LRMDA: variants seen among roughly 807,000 people sequenced by gnomAD.
LRMDA encodes leucine rich melanocyte differentiation associated, also known as leucine-rich melanocyte differentiation-associated protein.
LRMDA carries 18 observed loss-of-function variants against 29.8 expected under a neutral mutation model. The observed-to-expected ratio is 0.60, with a 90% CI of 0.42 to 0.90. The LOEUF is 0.90. Among genes scored for constraint, LRMDA ranks in the 40% least tolerant of loss-of-function variants. LRMDA has a pLI of 0.00. For missense variants in LRMDA, 273 were observed against 273.9 expected (o/e 1.00, Z 0.02); for synonymous variants, 125 against 109.4 (o/e 1.14, Z -0.89).
chr10:75,917,434 A>G (rs1845952797), intron 2 of LRMDA, among the ~76,000 whole-genome samples: 1 of 152,154 alleles, frequency 6.6e-6, no homozygotes, highest in Admixed American at 6.5e-5. Flanking sequence ...CACTGACCCC[A>G]CAGCTGCATG....
chr10:75,662,378 C>T (rs1049814326), intron 2 of LRMDA, among the ~76,000 whole-genome samples: 4 of 152,260 alleles, frequency 2.6e-5, no homozygotes, highest in Admixed American at 6.5e-5. Context: ...GGTAATCCTT[C>T]GGAAAGCGAC....
chr10:76,127,669 G>T (rs1265001638), intron 5 of LRMDA, among the ~76,000 whole-genome samples: 2 of 150,292 alleles, frequency 1.3e-5, no homozygotes, highest in Non-Finnish European at 3.0e-5. Context: ...TAAGGCAGTT[G>T]TAAAAGCTTG....
intron 6 of LRMDA, among the ~76,000 whole-genome samples, chr10:76,520,750 C>T (rs971715731): frequency 3.9e-5 from 6 of 152,148 alleles, no homozygotes; most frequent in Non-Finnish European, 2.9e-5. Context: ...AGGCCATGCA[C>T]ATTTCAAATT....
intron 2 of LRMDA, among the ~76,000 whole-genome samples, chr10:76,017,147 G>T (rs146019771): frequency 1.3e-5 from 2 of 152,264 alleles, no homozygotes; most frequent in South Asian, 4.1e-4. Flanking sequence ...AGAATGCCAT[G>T]TGAAGAGATG....
chr10:76,128,182 C>G (rs1320816030), intron 5 of LRMDA, among the ~76,000 whole-genome samples: 1 of 152,158 alleles, frequency 6.6e-6, no homozygotes, highest in African/African-American at 2.4e-5. Flanking sequence ...GAAAAGCAGG[C>G]ATTTCCAGGT....
chr10:75,631,578 G>A (rs1289846993), intron 2 of LRMDA, among the ~76,000 whole-genome samples: 1 of 152,014 alleles, frequency 6.6e-6, no homozygotes, highest in African/African-American at 2.4e-5. Context: ...CAGCTTGGAC[G>A]GAGTGTTGCT....
intron 2 of LRMDA, among the ~76,000 whole-genome samples, chr10:76,014,308 G>A (rs1393139455): frequency 6.6e-6 from 1 of 151,560 alleles, no homozygotes; most frequent in Non-Finnish European, 1.5e-5. Flanking sequence ...AAAGTTTGCT[G>A]ATCCCTGACC....
In LRMDA at chr10:75,752,896, T is replaced by C. The variant is rs541536097; in HGVS notation, c.132-283112T>C. On this transcript the variant is annotated intron_variant, in intron 2 of 6. Transcript: ENST00000611255. ...ACCAATTCGAGTCTGAATTGCGTCATGCATAGCCCCTTTCAGCTACCATTG... is the reference window on the plus strand; with the variant it reads ...ACCAATTCGAGTCTGAATTGCGTCACGCATAGCCCCTTTCAGCTACCATTG... Among the ~76,000 whole-genome samples, 29 of 152,358 alleles carry C rather than the reference T, an allele frequency of 1.9e-4. No homozygotes were observed. In the East Asian group the frequency reaches 1.9e-3, roughly 10 times the overall value.
At chr10:75,846,703 G>A (rs1423950847) in intron 2 of LRMDA, among the ~76,000 whole-genome samples, 3 of 151,876 alleles carry the variant, frequency 2.0e-5, no homozygotes, top group South Asian at 2.1e-4. Flanking sequence ...AAATAATACC[G>A]AAATGATACC....
chr10:76,106,936 G>A (rs1849495737), intron 5 of LRMDA, among the ~76,000 whole-genome samples: 1 of 152,162 alleles, frequency 6.6e-6, no homozygotes, highest in African/African-American at 2.4e-5. Context: ...TCAGAGGCAG[G>A]GGCTGCTGGT....
chr10:75,722,150 C>T (rs1431946499), intron 2 of LRMDA, among the ~76,000 whole-genome samples: 1 of 152,064 alleles, frequency 6.6e-6, no homozygotes, highest in Admixed American at 6.6e-5. Context: ...GTATCAGTGG[C>T]CCATGAAATA....
chr10:75,736,981 G>A (rs1387317885), intron 2 of LRMDA, among the ~76,000 whole-genome samples: 1 of 152,132 alleles, frequency 6.6e-6, no homozygotes, highest in Non-Finnish European at 1.5e-5. Context: ...GGAGGTTAGG[G>A]CCATTCCGAA....
intron 2 of LRMDA, among the ~76,000 whole-genome samples, chr10:75,731,758 C>A (rs1192338092): frequency 1.3e-5 from 2 of 152,208 alleles, no homozygotes; most frequent in Non-Finnish European, 2.9e-5. Flanking sequence ...GAAATGATGT[C>A]TGGCTAATTT....
chr10:75,621,924 T>C (rs150723113), intron 2 of LRMDA, among the ~76,000 whole-genome samples: 362 of 152,312 alleles, frequency 2.4e-3, no homozygotes, highest in African/African-American at 8.3e-3. Context: ...TGAGTGTTAC[T>C]TGCTGATTTT....
At chr10:76,543,638 T>G (rs1406068022) in intron 6 of LRMDA, among the ~76,000 whole-genome samples, 1 of 152,082 alleles carries the variant, frequency 6.6e-6, no homozygotes, top group Admixed American at 6.5e-5. Context: ...GTGGGCTGAA[T>G]TTATGGGCAA....
At chr10:76,240,828 A>G (rs553986923) in intron 5 of LRMDA, among the ~76,000 whole-genome samples, 5 of 21,082 alleles carry the variant, frequency 2.4e-4, no homozygotes, top group Non-Finnish European at 5.1e-4. Flanking sequence ...ATATATATAC[A>G]CATACATATA....
intron 5 of LRMDA, among the ~76,000 whole-genome samples, chr10:76,181,420 C>T (rs2132208549): frequency 6.6e-6 from 1 of 152,348 alleles, no homozygotes; most frequent in East Asian, 1.9e-4. Context: ...GCTAATTTAA[C>T]CATCAGATAT....
intron 2 of LRMDA, among the ~76,000 whole-genome samples, chr10:75,584,984 T>C (rs529278828): frequency 1.3e-5 from 2 of 152,330 alleles, no homozygotes; most frequent in African/African-American, 4.8e-5. Context: ...ATGTTTTTGC[T>C]GACATAGAAC....
chr10:76,222,394 G>A lies in LRMDA; in HGVS notation c.517-102007G>A, dbSNP rs981287351. On this transcript the variant is annotated intron_variant, in intron 5 of 6. Transcript: ENST00000611255. The stretch of plus-strand genomic sequence containing the variant: ...ATCTGACAAAGGGCTAATATCCAGA[G>A]TCTACAATGAACTCCAACAAATTTA... 7.4e-3 allele frequency among the ~76,000 whole-genome samples: 1,133 copies of A among 152,164 alleles called. 6 individuals carry two copies. The highest frequency in any genetic ancestry group is 0.011 in the Non-Finnish European group (749 of 68,004).
Sources: allele counts gnomAD v4.1 joint callset (sites outside exome capture counted in the v4.1 genomes callset), GRCh38; gene constraint gnomAD v4.1.1; transcripts MANE v1.5; gene names NCBI Gene and HGNC (gene_info 2026-07-23, HGNC 2026-07-21).